Variants in PTPN9 observed in about 807,000 individuals in gnomAD.
PTPN9 encodes the protein tyrosine-protein phosphatase non-receptor type 9.
In PTPN9, 26 loss-of-function variants were observed where a neutral mutation model predicts 69.8. The observed-to-expected ratio is 0.37, with a 90% CI of 0.27 to 0.52. The LOEUF (loss-of-function observed/expected upper bound fraction) is 0.52. Ranked by LOEUF, PTPN9 falls within the 20% of genes least tolerant of loss-of-function variation. PTPN9 has a pLI of 0.91. For synonymous variants in PTPN9, 274 were observed against 272.5 expected (o/e 1.01, Z -0.05); for missense variants, 549 against 740.3 (o/e 0.74, Z 3.00).
chr15:75,463,262 G>C lies in PTPN9; in HGVS notation c.*5507C>G, dbSNP rs1015696515. On this transcript the variant is annotated 3_prime_UTR_variant, in exon 13 of 13. Transcript: ENST00000618819. ...AGACTTCCACTGGATGCTGGCCACA[G>C]AAAATTTTTTATTAAAAATACATTT... is the stretch of plus-strand genomic sequence containing the variant. 6 of 152,074 alleles carry C rather than the reference G, an allele frequency of 3.9e-5. No homozygotes were observed. Among genetic ancestry groups the C allele is most frequent in the Non-Finnish European group, 7.3e-5 (5 of 68,030 alleles). 9.4% of individuals were successfully genotyped at this position (152,074 alleles called of 1,614,324 possible).
At position 75,544,783 on chromosome 15, in the gene PTPN9, TAG is replaced by T. The variant is rs2075024857; in HGVS notation, c.64-17524_64-17523del. ...AAAAATTTAAAGAGCTTGGTAAACA[TAG>T]AGAGTGGGAGGGGCCTTTGGTAACA... is the stretch of plus-strand genomic sequence containing the variant. On this transcript the variant is annotated intron_variant, in intron 1 of 12. Coordinates refer to ENST00000618819, the MANE Select transcript of PTPN9 (RefSeq NM_002833.4). 1.3e-5 allele frequency among the ~76,000 whole-genome samples: 2 copies of T among 151,982 alleles called. 1 individual carries two copies.
chr15:75,504,814 C>T, intron 7 of PTPN9, among the ~76,000 whole-genome samples: 1 of 139,354 alleles, frequency 7.2e-6, no homozygotes, highest in Admixed American at 6.9e-5. Context: ...GGTCAGCCCC[C>T]CGCCTGGCCA....
chr15:75,576,580 C>T (rs764826679), intron 1 of PTPN9, among the ~76,000 whole-genome samples: 16 of 151,030 alleles, frequency 1.1e-4, no homozygotes, highest in African/African-American at 3.7e-4. Flanking sequence ...GAGGACGAGG[C>T]GGGCAGATCA....
intron 1 of PTPN9, among the ~76,000 whole-genome samples, chr15:75,551,283 T>C (rs1303173286): frequency 6.6e-6 from 1 of 152,002 alleles, no homozygotes; most frequent in East Asian, 1.9e-4. Flanking sequence ...CCCAGAGAAG[T>C]TAGGACTTCA....
intron 9 of PTPN9, 27 bp downstream of exon 9, chr15:75,479,821 C>T (rs1475320354): frequency 3.9e-6 from 6 of 1,556,372 alleles, no homozygotes; most frequent in Non-Finnish European, 4.4e-6. Context: ...GGCACAAAAT[C>T]AACATGGGAG....
chr15:75,527,028 A>C, intron 2 of PTPN9, 90 bp downstream of exon 2: 5 of 1,474,100 alleles, frequency 3.4e-6, no homozygotes, highest in Non-Finnish European at 4.7e-6. Context: ...AGGAACACTT[A>C]GAGAACCAAT....
chr15:75,568,735 G>T (rs7163451), intron 1 of PTPN9, among the ~76,000 whole-genome samples: 53,185 of 151,496 alleles, frequency 0.35, 10,597 homozygotes, highest in African/African-American at 0.53. Context: ...CACTATAGAG[G>T]CTGAGGAAGG....
At chr15:75,483,418 T>C (rs1205590222) in intron 8 of PTPN9, among the ~76,000 whole-genome samples, 1 of 152,210 alleles carries the variant, frequency 6.6e-6, no homozygotes, top group African/African-American at 2.4e-5. Context: ...ATGACATGGA[T>C]GGACCTAGAA....
At chr15:75,509,075 C>T in intron 5 of PTPN9, 48 bp from the exon 6 acceptor site, 1 of 1,480,288 alleles carries the variant, frequency 6.8e-7, no homozygotes, top group Non-Finnish European at 9.4e-7. Flanking sequence ...ACCTGTGACT[C>T]TTCAAGCCCA....
chr15:75,578,410 A>G (rs2075183414), intron 1 of PTPN9, among the ~76,000 whole-genome samples: 1 of 152,192 alleles, frequency 6.6e-6, no homozygotes, highest in Admixed American at 6.5e-5. Context: ...AAATCTCGGG[A>G]AGAAGGCCCC....
chr15:75,558,225 G>A (rs2075085841), intron 1 of PTPN9, among the ~76,000 whole-genome samples: 1 of 152,132 alleles, frequency 6.6e-6, no homozygotes, highest in South Asian at 2.1e-4. Context: ...CTACTCAGGA[G>A]CCTGAGGCAG....
intron 1 of PTPN9, among the ~76,000 whole-genome samples, chr15:75,557,700 T>C (rs1157049520): frequency 6.6e-6 from 1 of 152,188 alleles, no homozygotes; most frequent in African/African-American, 2.4e-5. Context: ...TTAGCTATTA[T>C]TATTATCACA....
intron 1 of PTPN9, among the ~76,000 whole-genome samples, chr15:75,574,233 C>T (rs373662373): frequency 2.0e-5 from 3 of 149,356 alleles, no homozygotes; most frequent in East Asian, 3.9e-4. Flanking sequence ...TGTAATGAGC[C>T]GTGATTACAC....
intron 3 of PTPN9, among the ~76,000 whole-genome samples, chr15:75,523,821 T>A (rs2074915269): frequency 1.3e-5 from 2 of 152,188 alleles, no homozygotes; most frequent in Non-Finnish European, 2.9e-5. Context: ...CATTAGTAAC[T>A]CTAATTACTA....
chr15:75,494,156 A>AT (rs2074726703), intron 7 of PTPN9, among the ~76,000 whole-genome samples: 1 of 144,722 alleles, frequency 6.9e-6, no homozygotes, highest in African/African-American at 2.5e-5. Flanking sequence ...ATATATATAT[A>AT]AAATCTATAT....
chr15:75,544,426 A>G (rs544598650), intron 1 of PTPN9, among the ~76,000 whole-genome samples: 96 of 152,300 alleles, frequency 6.3e-4, no homozygotes, highest in African/African-American at 2.3e-3. Context: ...TCCTAGCAGG[A>G]GGCTGAAGGG....
At chr15:75,558,764 C>T (rs530933032) in intron 1 of PTPN9, among the ~76,000 whole-genome samples, 171 of 152,334 alleles carry the variant, frequency 1.1e-3, no homozygotes, top group Admixed American at 2.4e-3. Context: ...CTCCTAACCG[C>T]GAGTGATCTG....
At chr15:75,482,511 G>A (rs2074645176) in intron 8 of PTPN9, among the ~76,000 whole-genome samples, 1 of 140,514 alleles carries the variant, frequency 7.1e-6, no homozygotes, top group African/African-American at 2.7e-5. Context: ...CTTGCAGTGA[G>A]CCGAGATCGT....
At chr15:75,551,361 T>C (rs2075055854) in intron 1 of PTPN9, among the ~76,000 whole-genome samples, 1 of 152,144 alleles carries the variant, frequency 6.6e-6, no homozygotes, top group Non-Finnish European at 1.5e-5. Flanking sequence ...AAACCCACGC[T>C]CTTTTTCTTT....
Sources: gnomAD v4.1 joint callset for allele counts (sites outside exome capture counted in the v4.1 genomes callset) on GRCh38, gnomAD v4.1.1 for gene constraint, MANE v1.5 for transcripts, NCBI Gene and HGNC (gene_info 2026-07-23, HGNC 2026-07-21) for gene names.